Variants in PALLD observed in about 807,000 individuals in gnomAD.
The protein encoded by PALLD is palladin, cytoskeletal associated protein, also known as palladin.
Under a neutral mutation model 123.5 loss-of-function variants are expected in PALLD, and 61 were observed. The observed-to-expected ratio is 0.49, with a 90% confidence interval of 0.40 to 0.61. The LOEUF (loss-of-function observed/expected upper bound fraction) is 0.61, where lower values mean the gene tolerates loss of function less well. PALLD is among the 20% of genes least tolerant of loss of function. PALLD has a pLI of 0.00. For synonymous variants in PALLD, 465 were observed against 496.4 expected, an observed-to-expected ratio of 0.94 and a Z score of 0.84; for missense variants, 1,273 against 1,377.0, an observed-to-expected ratio of 0.92 and a Z score of 1.20.
At chr4:168,855,089 C>T (rs1355650855) in intron 10 of PALLD, among the ~76,000 whole-genome samples, 52 of 103,916 alleles carry the variant, frequency 5.0e-4, no homozygotes, top group African/African-American at 1.0e-3. Context: ...AAGGAATGTT[C>T]TTTTTTTTTT....
intron 2 of PALLD, among the ~76,000 whole-genome samples, chr4:168,527,592 G>T (rs557350336): frequency 5.1e-4 from 77 of 152,252 alleles, no homozygotes; most frequent in African/African-American, 1.8e-3. Flanking sequence ...GGTTTAAGCT[G>T]CCACAGAATT....
At chr4:168,555,698 A>G (rs1767209534) in intron 2 of PALLD, among the ~76,000 whole-genome samples, 1 of 152,236 alleles carries the variant, frequency 6.6e-6, no homozygotes, top group African/African-American at 2.4e-5. Context: ...TCCATTTCAG[A>G]ATAGACTTGC....
intron 10 of PALLD, among the ~76,000 whole-genome samples, chr4:168,755,234 A>G (rs34540370): frequency 0.016 from 984 of 59,900 alleles, 16 homozygotes; most frequent in Middle Eastern, 0.019. Context: ...CTCCGTCTCA[A>G]AAAAAAAAAA....
chr4:168,793,127 G>A (rs1737784590), intron 10 of PALLD, among the ~76,000 whole-genome samples: 2 of 140,438 alleles, frequency 1.4e-5, no homozygotes, highest in Non-Finnish European at 3.1e-5. Flanking sequence ...ATATGTGTGT[G>A]CATATATATA....
At chr4:168,548,631 G>A (rs1309242173) in intron 2 of PALLD, among the ~76,000 whole-genome samples, 5 of 152,152 alleles carry the variant, frequency 3.3e-5, no homozygotes, top group African/African-American at 4.8e-5. Flanking sequence ...CAAGTCCTAG[G>A]TGAGAACCAT....
intron 2 of PALLD, among the ~76,000 whole-genome samples, chr4:168,602,284 C>T (rs887237354): frequency 1.3e-5 from 2 of 152,194 alleles, no homozygotes; most frequent in African/African-American, 4.8e-5. Context: ...TGTTGAATGC[C>T]TACTAAGGGT....
At chr4:168,508,652 A>C (rs1013881309) in intron 1 of PALLD, among the ~76,000 whole-genome samples, 2 of 152,220 alleles carry the variant, frequency 1.3e-5, no homozygotes, top group Non-Finnish European at 2.9e-5. Flanking sequence ...AGGCCATAAT[A>C]AATAAATAAA....
intron 2 of PALLD, among the ~76,000 whole-genome samples, chr4:168,515,626 C>T (rs1394374211): frequency 6.6e-6 from 1 of 152,154 alleles, no homozygotes; most frequent in Non-Finnish European, 1.5e-5. Flanking sequence ...AAGGTCCAGG[C>T]TGACTTATAG....
At chr4:168,830,763 G>A (rs755961467) in intron 10 of PALLD, among the ~76,000 whole-genome samples, 8 of 152,138 alleles carry the variant, frequency 5.3e-5, no homozygotes, top group East Asian at 1.9e-4. Flanking sequence ...AGATATTTCC[G>A]AGAGAGGAAT....
chr4:168,815,429 C>T (rs1741762761), intron 10 of PALLD, among the ~76,000 whole-genome samples: 1 of 152,218 alleles, frequency 6.6e-6, no homozygotes, highest in South Asian at 2.1e-4. Flanking sequence ...TTACACCTTG[C>T]CTATATCCAA....
intron 2 of PALLD, among the ~76,000 whole-genome samples, chr4:168,561,281 A>G (rs777338578): frequency 4.0e-4 from 61 of 151,926 alleles, no homozygotes; most frequent in Non-Finnish European, 2.2e-4. Context: ...TCTCTTTTTG[A>G]AACAGGGCCT....
chr4:168,571,602 T>G (rs532876877), intron 2 of PALLD, among the ~76,000 whole-genome samples: 21 of 152,312 alleles, frequency 1.4e-4, no homozygotes, highest in East Asian at 1.2e-3. Flanking sequence ...GATCGAGAAT[T>G]TGTAAAACTA....
intron 10 of PALLD, chr4:168,843,920 T>C (rs938739954): frequency 6.6e-6 from 1 of 152,206 alleles, no homozygotes; most frequent in Non-Finnish European, 1.5e-5. Flanking sequence ...GCACCTCTCT[T>C]ATTCATGGGT....
At chr4:168,623,746 T>C (rs546970039) in intron 2 of PALLD, among the ~76,000 whole-genome samples, 1 of 152,246 alleles carries the variant, frequency 6.6e-6, no homozygotes, top group South Asian at 2.1e-4. Flanking sequence ...CAGAAATTAA[T>C]ATAGTAAGAA....
At chr4:168,687,805 C>G (rs1417939196) in intron 6 of PALLD, among the ~76,000 whole-genome samples, 1 of 152,196 alleles carries the variant, frequency 6.6e-6, no homozygotes, top group South Asian at 2.1e-4. Flanking sequence ...AACCATGAAG[C>G]ATTCTTTGTG....
In PALLD at chr4:168,808,532, A is replaced by G. The variant is rs1373724492; in HGVS notation, c.1965-82390A>G. On this transcript the variant is annotated intron_variant, in intron 10 of 21. Transcript: ENST00000505667. The stretch of plus-strand genomic sequence containing the variant: ...TATTTGTGTTGAAAATTGAGTAGAT[A>G]CATAAGAGGAAGCACATCCAGAGAA... Among the ~76,000 whole-genome samples, 4 of 152,224 alleles carry G rather than the reference A, an allele frequency of 2.6e-5. No homozygotes were observed. The East Asian group carries it at 7.7e-4, about 29-fold the overall frequency.
At chr4:168,874,338 ATAAAT>A (rs977344643) in intron 10 of PALLD, among the ~76,000 whole-genome samples, 24 of 152,210 alleles carry the variant, frequency 1.6e-4, no homozygotes, top group African/African-American at 5.5e-4. Context: ...GAATTAGAAA[ATAAAT>A]TAGGTCATAC....
intron 2 of PALLD, among the ~76,000 whole-genome samples, chr4:168,534,061 G>C (rs1400703811): frequency 6.6e-6 from 1 of 152,174 alleles, no homozygotes; most frequent in African/African-American, 2.4e-5. Flanking sequence ...TCATTACCAA[G>C]GGGCTTTTAA....
intron 2 of PALLD, among the ~76,000 whole-genome samples, chr4:168,516,725 A>T (rs2149441461): frequency 6.6e-6 from 1 of 152,336 alleles, no homozygotes; most frequent in East Asian, 1.9e-4. Context: ...AGTTATGCAT[A>T]GCTTACTGAA....
Sources: gnomAD v4.1 joint callset for allele counts (sites outside exome capture counted in the v4.1 genomes callset) on GRCh38, gnomAD v4.1.1 for gene constraint, MANE v1.5 for transcripts, NCBI Gene and HGNC (gene_info 2026-07-23, HGNC 2026-07-21) for gene names.